Variants in LINGO1 observed in about 807,000 individuals in gnomAD.
LINGO1 encodes the protein leucine-rich repeat and immunoglobulin-like domain-containing nogo receptor-interacting protein 1.
A neutral mutation model predicts 37.3 loss-of-function variants in LINGO1; 11 were observed. The observed-to-expected ratio is 0.29, with a 90% CI of 0.19 to 0.49. The LOEUF (loss-of-function observed/expected upper bound fraction) is 0.49, where lower values mean the gene tolerates loss of function less well. Among genes scored for constraint, LINGO1 ranks in the 20% least tolerant of loss-of-function variants. LINGO1 has a pLI of 0.99. For missense variants in LINGO1, 585 were observed against 878.2 expected, an observed-to-expected ratio of 0.67 and a Z score of 4.22; for synonymous variants, 387 against 403.0, an observed-to-expected ratio of 0.96 and a Z score of 0.48.
chr15:77,819,598 G>GCGCACACCCGGCTC (rs2077081223), intron 1 of LINGO1: 1 of 151,300 alleles, frequency 6.6e-6, no homozygotes, highest in African/African-American at 2.4e-5. Flanking sequence ...ACACCCAGGC[G>GCGCACACCCGGCTC]CGCACACCCG....
chr15:77,723,890 G>A (rs566546927), intron 2 of LINGO1, among the ~76,000 whole-genome samples: 14 of 152,238 alleles, frequency 9.2e-5, no homozygotes, highest in East Asian at 3.9e-4. Flanking sequence ...GCGCGGGGGC[G>A]GGAGGCGAGA....
intron 3 of LINGO1, among the ~76,000 whole-genome samples, chr15:77,664,656 T>C (rs552574601): frequency 6.6e-6 from 1 of 152,270 alleles, no homozygotes; most frequent in East Asian, 1.9e-4. Flanking sequence ...AGCTGTTTCT[T>C]TGATGCCTAC....
At chr15:77,750,917 G>A (rs2076364668) in intron 1 of LINGO1, among the ~76,000 whole-genome samples, 1 of 152,204 alleles carries the variant, frequency 6.6e-6, no homozygotes, top group African/African-American at 2.4e-5. Context: ...ACACTGAAGG[G>A]ACTCCAGAGT....
intron 1 of LINGO1, among the ~76,000 whole-genome samples, chr15:77,778,479 C>T (rs2076683430): frequency 6.6e-6 from 1 of 152,244 alleles, no homozygotes; most frequent in South Asian, 2.1e-4. Context: ...CATCAAACTT[C>T]ACATGACCAC....
At chr15:77,790,890 G>T (rs574659391), upstream of LINGO1, among the ~76,000 whole-genome samples, 15 of 152,310 alleles carry the variant, frequency 9.8e-5, no homozygotes, top group South Asian at 2.9e-3. Context: ...CCCTGAAGGT[G>T]TGCAAGTAAA....
Position 77,672,166 on chromosome 15 carries a change from G to A in LINGO1, c.-13+4923C>T, listed in dbSNP as rs554903243. Among the ~76,000 whole-genome samples, 3 of 104,452 alleles carry A rather than the reference G, an allele frequency of 2.9e-5. No homozygotes were observed. In the East Asian group the frequency reaches 7.4e-4, roughly 26 times the overall value. 68.5% of individuals were successfully genotyped at this position (104,452 alleles called of 152,430 possible). A position where few individuals can be genotyped will look rare whatever the true frequency, so the allele number is the denominator to read the frequency against. Reference sequence around the variant, plus strand: ...CCCCACCCCGACCCCCACAGTGCTCGCTCCCCAGCTCTCCCCACCTCCCCT... The same window carrying A: ...CCCCACCCCGACCCCCACAGTGCTCACTCCCCAGCTCTCCCCACCTCCCCT... On this transcript the variant is annotated intron_variant, in intron 3 of 3. Transcript: ENST00000559893.
intron 1 of LINGO1, among the ~76,000 whole-genome samples, chr15:77,617,666 A>G (rs985637721): frequency 6.6e-6 from 1 of 152,226 alleles, no homozygotes; most frequent in Non-Finnish European, 1.5e-5. Context: ...ATCAGCCATT[A>G]AGGCAACTGA....
Position 77,805,541 on chromosome 15 carries a change from C to T in LINGO1, c.-457-9488G>A, listed in dbSNP as rs187604901. ...CAGGGCAGAGACTGTGGCCTGCCCTCAGGGGGCTCTCTGCTAGTTGGCAGA... is the reference window on the plus strand; with the variant it reads ...CAGGGCAGAGACTGTGGCCTGCCCTTAGGGGGCTCTCTGCTAGTTGGCAGA... On this transcript the variant is annotated intron_variant, in intron 1 of 5. Transcript: ENST00000562933. 1.0e-3 allele frequency among the ~76,000 whole-genome samples: 155 copies of T among 152,316 alleles called. 4 individuals carry two copies. The highest frequency in any genetic ancestry group is 3.4e-4 in the Non-Finnish European group (23 of 68,022).
At chr15:77,656,927 G>A (rs1281853030) in intron 3 of LINGO1, among the ~76,000 whole-genome samples, 13 of 152,152 alleles carry the variant, frequency 8.5e-5, no homozygotes, top group Admixed American at 8.5e-4. Flanking sequence ...AGCAGTCCTG[G>A]TCTCTGAGCT....
intron 1 of LINGO1, among the ~76,000 whole-genome samples, chr15:77,693,899 G>A (rs1348157144): frequency 6.6e-6 from 1 of 152,128 alleles, no homozygotes; most frequent in African/African-American, 2.4e-5. Flanking sequence ...AAACCTCGGG[G>A]GCCTGATCAG....
intron 3 of LINGO1, among the ~76,000 whole-genome samples, chr15:77,663,685 C>T (rs557283877): frequency 2.0e-5 from 3 of 152,338 alleles, no homozygotes; most frequent in East Asian, 1.9e-4. Context: ...GTGTTCTCTG[C>T]GTGGGGGTGC....
chr15:77,698,210 G>A (rs1303089444), upstream of LINGO1, among the ~76,000 whole-genome samples: 2 of 152,166 alleles, frequency 1.3e-5, no homozygotes, highest in Non-Finnish European at 2.9e-5. Flanking sequence ...CACAGTGCCA[G>A]CGTCCCACTG....
At chr15:77,801,979 G>A (rs1254460361) in intron 1 of LINGO1, among the ~76,000 whole-genome samples, 3 of 152,206 alleles carry the variant, frequency 2.0e-5, no homozygotes, top group Non-Finnish European at 4.4e-5. Flanking sequence ...TGGGGCTGAG[G>A]GATAAAGGGA....
intron 2 of LINGO1, among the ~76,000 whole-genome samples, chr15:77,717,947 G>A (rs929730563): frequency 2.6e-5 from 4 of 150,988 alleles, no homozygotes; most frequent in African/African-American, 9.7e-5. Flanking sequence ...TGAAGCAGGT[G>A]ATACAGCCTC....
chr15:77,774,266 C>G (rs541911798), intron 1 of LINGO1, among the ~76,000 whole-genome samples: 31 of 152,176 alleles, frequency 2.0e-4, no homozygotes, highest in African/African-American at 6.3e-4. Context: ...ACAGCTGGCA[C>G]TGGCCTCGCC....
chr15:77,674,717 C>G (rs919546268), intron 3 of LINGO1, among the ~76,000 whole-genome samples: 1 of 151,998 alleles, frequency 6.6e-6, no homozygotes, highest in Non-Finnish European at 1.5e-5. Context: ...TCGAAGAGAC[C>G]TTCCATGACG....
At chr15:77,669,242 T>C (rs981687701) in intron 3 of LINGO1, among the ~76,000 whole-genome samples, 21 of 152,160 alleles carry the variant, frequency 1.4e-4, no homozygotes, top group African/African-American at 1.9e-4. Flanking sequence ...CTTTGGGACA[T>C]AGAGTGTCCT....
upstream of LINGO1, chr15:77,787,789 C>T (rs1010402817): frequency 6.6e-6 from 1 of 152,210 alleles, no homozygotes; most frequent in African/African-American, 2.4e-5. Flanking sequence ...ATTGAAAAGG[C>T]CTCTAAGGCA....
intron 1 of LINGO1, among the ~76,000 whole-genome samples, chr15:77,758,105 T>A (rs2076438476): frequency 6.6e-6 from 1 of 152,248 alleles, no homozygotes; most frequent in South Asian, 2.1e-4. Flanking sequence ...CCAATTTTTG[T>A]TTTAATGGTG....
Sources: allele counts gnomAD v4.1 joint callset (sites outside exome capture counted in the v4.1 genomes callset), GRCh38; gene constraint gnomAD v4.1.1; transcripts MANE v1.5; gene names NCBI Gene and HGNC (gene_info 2026-07-23, HGNC 2026-07-21).